Variants in AGMO observed in about 807,000 individuals in gnomAD.
AGMO encodes glyceryl-ether monooxygenase.
A neutral mutation model predicts 60.2 loss-of-function variants in AGMO; 75 were observed. The observed-to-expected ratio is 1.25, with a 90% CI of 1.03 to 1.51. The LOEUF is 1.51. AGMO is among the 40% of genes most tolerant of loss of function. The probability of loss-of-function intolerance (pLI) is 0.00; values close to 1 mark genes in which losing one functional copy is unlikely to be tolerated. For missense variants in AGMO, 763 were observed against 525.5 expected (o/e 1.45, Z -4.42); for synonymous variants, 261 against 177.1 (o/e 1.47, Z -3.76).
chr7:15,453,302 G>A (rs1781903446), intron 3 of AGMO, among the ~76,000 whole-genome samples: 1 of 152,138 alleles, frequency 6.6e-6, no homozygotes, highest in Non-Finnish European at 1.5e-5. Flanking sequence ...GCTTTTATAC[G>A]TGGTCTTATA....
chr7:15,420,335 T>C lies in AGMO; in HGVS notation c.514-1682A>G, dbSNP rs79919739. 4.0e-4 allele frequency among the ~76,000 whole-genome samples: 61 copies of C among 152,218 alleles called. 1 individual carries two copies. In the East Asian group the frequency reaches 0.011, roughly 27 times the overall value. ...ACACAGAATACTTTCTTGATGAGTT[T>C]ACCATAGGATTAGATTTTCTGAAAA... is the stretch of plus-strand genomic sequence containing the variant. On this transcript the variant is annotated intron_variant, in intron 4 of 12. Coordinates refer to ENST00000342526, the MANE Select transcript of AGMO (RefSeq NM_001004320.2).
intron 12 of AGMO, among the ~76,000 whole-genome samples, chr7:15,207,579 G>A (rs1388671426): frequency 1.3e-5 from 2 of 152,134 alleles, no homozygotes; most frequent in African/African-American, 4.8e-5. Context: ...ATTTTTACCA[G>A]CTTAGATTGT....
intron 4 of AGMO, among the ~76,000 whole-genome samples, chr7:15,426,127 A>G (rs1781055247): frequency 6.6e-6 from 1 of 152,214 alleles, no homozygotes; most frequent in African/African-American, 2.4e-5. Context: ...ATTTAAATGA[A>G]TAACAGATGT....
chr7:15,315,048 A>G (rs984482702), intron 12 of AGMO, among the ~76,000 whole-genome samples: 2 of 152,128 alleles, frequency 1.3e-5, no homozygotes, highest in East Asian at 1.9e-4. Flanking sequence ...CCTAAGTCCT[A>G]TAACTACAAG....
intron 10 of AGMO, among the ~76,000 whole-genome samples, chr7:15,368,226 T>A (rs1480591128): frequency 6.6e-6 from 1 of 150,466 alleles, no homozygotes; most frequent in African/African-American, 2.5e-5. Flanking sequence ...AAGAGAGTGC[T>A]ATTAATATTT....
rs547841332 is a variant in AGMO, at chr7:15,561,937, G to C, written c.-92C>G. The C allele has an allele frequency of 7.4e-7, 1 of 1,349,256 alleles. No individual in the cohort carries two copies. The highest frequency in any genetic ancestry group is 1.5e-5 in the African/African-American group (1 of 67,472). The allele number at this position is 1,349,256 out of a possible 1,614,324, so 83.6% of individuals were successfully genotyped here. A position where few individuals can be genotyped will look rare whatever the true frequency, so the allele number is the denominator to read the frequency against. Reference sequence around the variant, plus strand: ...CAAAGAGGACGAGATGTGCAGCTCAGAACAAGCTCTTTGTCAGAGAACAGC... The same window carrying C: ...CAAAGAGGACGAGATGTGCAGCTCACAACAAGCTCTTTGTCAGAGAACAGC... On this transcript the variant is annotated 5_prime_UTR_variant, in exon 1 of 13. Coordinates refer to ENST00000342526, the MANE Select transcript of AGMO (RefSeq NM_001004320.2).
At chr7:15,155,575 C>T in the AGMO span, among the ~76,000 whole-genome samples, 3 of 151,752 alleles carry the variant, frequency 2.0e-5, no homozygotes, top group African/African-American at 7.3e-5. Flanking sequence ...GGGTTTCAAC[C>T]TTCTTTTATA....
At chr7:15,517,667 C>T (rs1486802279) in intron 3 of AGMO, among the ~76,000 whole-genome samples, 1 of 152,074 alleles carries the variant, frequency 6.6e-6, no homozygotes, top group Non-Finnish European at 1.5e-5. Context: ...TCTTCGCAAC[C>T]CGCAGACCAG....
intron 8 of AGMO, among the ~76,000 whole-genome samples, chr7:15,390,413 G>C (rs113383102): frequency 6.6e-6 from 1 of 152,144 alleles, no homozygotes; most frequent in African/African-American, 2.4e-5. Context: ...TCTGAGAAAG[G>C]ATATGTTTAG....
chr7:15,549,682 C>G (rs1375739414), intron 2 of AGMO, among the ~76,000 whole-genome samples: 3 of 150,112 alleles, frequency 2.0e-5, no homozygotes, highest in Non-Finnish European at 4.5e-5. Flanking sequence ...CCTGAGTGAC[C>G]TACAAAGAGA....
chr7:15,413,966 C>G (rs1308439621), intron 5 of AGMO, among the ~76,000 whole-genome samples: 1 of 152,080 alleles, frequency 6.6e-6, no homozygotes, highest in African/African-American at 2.4e-5. Context: ...CTAATTAAAT[C>G]TAAAATAATA....
At chr7:15,133,386 G>T in the AGMO span, among the ~76,000 whole-genome samples, 1 of 152,134 alleles carries the variant, frequency 6.6e-6, no homozygotes, top group African/African-American at 2.4e-5. Flanking sequence ...AAGGAAGATG[G>T]CAAAAGTGCT....
the AGMO span, among the ~76,000 whole-genome samples, chr7:15,186,573 C>T: frequency 6.6e-6 from 1 of 152,090 alleles, no homozygotes; most frequent in African/African-American, 2.4e-5. Flanking sequence ...GGGTGATGTG[C>T]AAAGTAGAAT....
chr7:15,209,332 T>C (rs1781520106), intron 12 of AGMO, among the ~76,000 whole-genome samples: 1 of 152,124 alleles, frequency 6.6e-6, no homozygotes, highest in Non-Finnish European at 1.5e-5. Flanking sequence ...AGTGTGCTGT[T>C]AAACAAATTA....
chr7:15,184,526 G>A, the AGMO span, among the ~76,000 whole-genome samples: 1 of 136,582 alleles, frequency 7.3e-6, no homozygotes, highest in Non-Finnish European at 1.6e-5. Context: ...AGGGAGGGAG[G>A]GAAGGAAGGG....
chr7:15,545,411 T>C (rs1428753859), intron 2 of AGMO, among the ~76,000 whole-genome samples: 2 of 152,048 alleles, frequency 1.3e-5, no homozygotes, highest in Non-Finnish European at 2.9e-5. Flanking sequence ...AAATTTGCCT[T>C]TAGGTTAAAG....
At chr7:15,405,032 C>G (rs559843337) in intron 5 of AGMO, among the ~76,000 whole-genome samples, 1 of 151,816 alleles carries the variant, frequency 6.6e-6, no homozygotes, top group Non-Finnish European at 1.5e-5. Flanking sequence ...AGGACTTACA[C>G]GTCTTAAGTT....
the AGMO span, among the ~76,000 whole-genome samples, chr7:15,127,784 T>C: frequency 1.3e-5 from 2 of 152,166 alleles, no homozygotes. Flanking sequence ...TAAAGGCTTT[T>C]AAATATTTTA....
the AGMO span, among the ~76,000 whole-genome samples, chr7:15,174,444 T>C: frequency 6.6e-6 from 1 of 152,118 alleles, no homozygotes; most frequent in Non-Finnish European, 1.5e-5. Flanking sequence ...AGAAAGATAC[T>C]TTTCTCCATC....
Sources: allele counts gnomAD v4.1 joint callset (sites outside exome capture counted in the v4.1 genomes callset), GRCh38; gene constraint gnomAD v4.1.1; transcripts MANE v1.5; gene names NCBI Gene and HGNC (gene_info 2026-07-23, HGNC 2026-07-21).